Variants in SLC24A2 observed in about 807,000 individuals in gnomAD.
SLC24A2 encodes sodium/potassium/calcium exchanger 2.
In SLC24A2, 36 loss-of-function variants were observed where a neutral mutation model predicts 62.0. The observed-to-expected ratio is 0.58, with a 90% CI of 0.44 to 0.77. SLC24A2 has a LOEUF of 0.77. SLC24A2 is among the 30% of genes least tolerant of loss of function. The pLI, the probability that SLC24A2 is intolerant of heterozygous loss-of-function variation, is 0.00. For synonymous variants in SLC24A2, 358 were observed against 294.0 expected (o/e 1.22, Z -2.23); for missense variants, 846 against 817.9 (o/e 1.03, Z -0.42).
At chr9:20,235,910 C>G in the SLC24A2 span, among the ~76,000 whole-genome samples, 1 of 152,122 alleles carries the variant, frequency 6.6e-6, no homozygotes, top group Non-Finnish European at 1.5e-5. Context: ...TAATGTTTGT[C>G]TTGAGCCTCA....
chr9:19,786,209 T>C lies in SLC24A2; in HGVS notation c.658A>G (p.Ile220Val). The part of the protein sequence containing the change: ...GSAVFNILFV[I>V]GMCALFSREI... Reference sequence around the variant, plus strand: ...CTAGAAAACAGAGCACACATGCCAATAACAAAGAGGATGTTGAATACTGCT... The same window carrying C: ...CTAGAAAACAGAGCACACATGCCAACAACAAAGAGGATGTTGAATACTGCT... The change falls in exon 2 of 11, where the codon ATT becomes GTT. Residue 220 changes from isoleucine to valine, a missense_variant. Transcript: ENST00000341998. This position sits in a 1 kb window ranked among gnomAD's most constrained non-coding sequence, Gnocchi z 5.0. The C allele has an allele frequency of 6.2e-7, 1 of 1,614,092 alleles. No individual in the cohort carries two copies. The highest frequency in any genetic ancestry group is 1.1e-5 in the South Asian group (1 of 91,086).
At chr9:20,068,947 A>G in the SLC24A2 span, among the ~76,000 whole-genome samples, 1 of 152,280 alleles carries the variant, frequency 6.6e-6, no homozygotes, top group East Asian at 1.9e-4. Flanking sequence ...CATCAAACCT[A>G]CAAATATAAC....
chr9:20,261,283 T>TA, the SLC24A2 span, among the ~76,000 whole-genome samples: 1 of 151,774 alleles, frequency 6.6e-6, no homozygotes, highest in Admixed American at 6.6e-5. Context: ...CTTCATAATT[T>TA]AAAAAAAACT....
intron 5 of SLC24A2, among the ~76,000 whole-genome samples, 185 bp from the exon 6 acceptor site, chr9:19,577,207 A>G (rs907036007): frequency 6.6e-6 from 1 of 152,252 alleles, no homozygotes; most frequent in East Asian, 1.9e-4. Flanking sequence ...TTTCAGCCCA[A>G]TTCTCTATTT....
the SLC24A2 span, among the ~76,000 whole-genome samples, chr9:19,902,918 C>A: frequency 6.6e-6 from 1 of 152,158 alleles, no homozygotes; most frequent in Admixed American, 6.5e-5. Flanking sequence ...CGTTCCCTTG[C>A]AGTCTTTCAA....
intron 2 of SLC24A2, among the ~76,000 whole-genome samples, chr9:19,753,625 C>G (rs770499123): frequency 6.6e-6 from 1 of 152,148 alleles, no homozygotes; most frequent in Non-Finnish European, 1.5e-5. Flanking sequence ...TTCATGTACC[C>G]TTAGGCACTT....
chr9:19,735,071 G>A lies in SLC24A2; in HGVS notation c.930+50866C>T, dbSNP rs183911424. Among the ~76,000 whole-genome samples, 22 of 152,100 alleles carry A rather than the reference G, an allele frequency of 1.4e-4. No homozygotes were observed. The East Asian group carries it at 3.5e-3, about 24-fold the overall frequency. On this transcript the variant is annotated intron_variant, in intron 2 of 10. Coordinates refer to ENST00000341998, the MANE Select transcript of SLC24A2 (RefSeq NM_020344.4). ...AAGAAACCACCATCAGAGTGAACAG[G>A]CAACCTACAGAATGGGAGAAAATTT...
At chr9:19,996,153 T>C in the SLC24A2 span, among the ~76,000 whole-genome samples, 2 of 152,158 alleles carry the variant, frequency 1.3e-5, no homozygotes, top group Non-Finnish European at 2.9e-5. Flanking sequence ...GAAAGAAATA[T>C]GGTGCTGTGA....
intron 9 of SLC24A2, among the ~76,000 whole-genome samples, chr9:19,524,137 CAAAAAA>C (rs57173482): frequency 1.6e-3 from 135 of 84,714 alleles, no homozygotes; most frequent in African/African-American, 4.7e-3. Context: ...ACTTCATTTT[CAAAAAA>C]AAAAAAAAAA....
chr9:20,153,137 G>A, the SLC24A2 span, among the ~76,000 whole-genome samples: 1 of 151,854 alleles, frequency 6.6e-6, no homozygotes. Flanking sequence ...CCAAAACAAA[G>A]CTGTTAACAT....
chr9:20,220,932 T>A, the SLC24A2 span, among the ~76,000 whole-genome samples: 184 of 152,268 alleles, frequency 1.2e-3, no homozygotes, highest in African/African-American at 4.3e-3. Context: ...TCTTCTTTCT[T>A]AAAACATATG....
chr9:20,295,710 G>C, the SLC24A2 span, among the ~76,000 whole-genome samples: 1 of 152,208 alleles, frequency 6.6e-6, no homozygotes, highest in Non-Finnish European at 1.5e-5. Flanking sequence ...ACTTACACCA[G>C]TGGCACTCTG....
At chr9:20,188,930 G>A in the SLC24A2 span, among the ~76,000 whole-genome samples, 33 of 152,120 alleles carry the variant, frequency 2.2e-4, no homozygotes, top group Admixed American at 9.8e-4. Flanking sequence ...AGCAGCATTG[G>A]GAAATTAATA....
chr9:19,573,479 A>G lies in SLC24A2; in HGVS notation c.1229-10T>C, dbSNP rs1269144305. On this transcript the variant is annotated splice_polypyrimidine_tract_variant and intron_variant, in intron 6 of 10. Transcript: ENST00000341998. ...GGAAGCTCAATTTTTTCTGTGATAT[A>G]ATTTAAACACACACACACACACACA... is the stretch of plus-strand genomic sequence containing the variant. 8.4e-7 allele frequency: 1 copy of G among 1,196,600 alleles called. No individual in the cohort carries two copies. The highest frequency in any genetic ancestry group is 1.2e-5 in the South Asian group (1 of 82,682). 74.1% of individuals were successfully genotyped at this position (1,196,600 alleles called of 1,614,324 possible). A position where few individuals can be genotyped will look rare whatever the true frequency, so the allele number is the denominator to read the frequency against.
At chr9:19,816,650 GC>G in the SLC24A2 span, among the ~76,000 whole-genome samples, 2 of 152,106 alleles carry the variant, frequency 1.3e-5, no homozygotes, top group African/African-American at 4.8e-5. Context: ...TTCTTGTGAA[GC>G]CTCAGGAAGC....
the SLC24A2 span, among the ~76,000 whole-genome samples, chr9:19,969,406 T>C: frequency 6.6e-6 from 1 of 152,170 alleles, no homozygotes; most frequent in Non-Finnish European, 1.5e-5. Context: ...TCTCACTATC[T>C]CTCTGAAAGT....
the SLC24A2 span, among the ~76,000 whole-genome samples, chr9:19,894,202 G>C: frequency 2.0e-5 from 3 of 152,174 alleles, no homozygotes; most frequent in African/African-American, 7.2e-5. Flanking sequence ...CCAGAGACTA[G>C]AACCTTTCCG....
chr9:20,014,597 G>C, the SLC24A2 span, among the ~76,000 whole-genome samples: 2 of 151,468 alleles, frequency 1.3e-5, no homozygotes, highest in African/African-American at 2.4e-5. Flanking sequence ...GATTAATTTG[G>C]CAAATATTAT....
the SLC24A2 span, among the ~76,000 whole-genome samples, chr9:19,910,800 T>C: frequency 1.3e-5 from 2 of 152,104 alleles, no homozygotes; most frequent in African/African-American, 4.8e-5. Context: ...GAGGGAAGAA[T>C]TGTTGTTCTT....
Sources: gnomAD v4.1 joint callset for allele counts (sites outside exome capture counted in the v4.1 genomes callset) on GRCh38, gnomAD v4.1.1 for gene constraint, Gnocchi (gnomAD v3.1) non-coding constraint, MANE v1.5 for transcripts, NCBI Gene and HGNC (gene_info 2026-07-23, HGNC 2026-07-21) for gene names.